The following ST6GALNAC3 variants were observed in gnomAD, a reference collection of about 807,000 sequenced individuals.
ST6GALNAC3 encodes ST6 N-acetylgalactosaminide alpha-2,6-sialyltransferase 3, also known as alpha-N-acetylgalactosaminide alpha-2,6-sialyltransferase 3.
ST6GALNAC3 carries 25 observed loss-of-function variants against 32.7 expected under a neutral mutation model. That is an observed-to-expected ratio of 0.76 (90% CI 0.56 to 1.07). ST6GALNAC3 has a LOEUF of 1.07. Among genes scored for constraint, ST6GALNAC3 ranks in the 50% least tolerant of loss-of-function variants. The pLI, the probability that ST6GALNAC3 is intolerant of heterozygous loss-of-function variation, is 0.00. For synonymous variants in ST6GALNAC3, 129 were observed against 133.1 expected (o/e 0.97, Z 0.21); for missense variants, 355 against 382.4 (o/e 0.93, Z 0.60).
chr1:76,383,603 A>G (rs1651883278), intron 2 of ST6GALNAC3, among the ~76,000 whole-genome samples: 1 of 152,158 alleles, frequency 6.6e-6, no homozygotes, highest in Non-Finnish European at 1.5e-5. Flanking sequence ...GAAGCTGCTC[A>G]GGCAAAAGAA....
chr1:76,437,582 C>T (rs1205767143), intron 3 of ST6GALNAC3, among the ~76,000 whole-genome samples: 11 of 137,630 alleles, frequency 8.0e-5, no homozygotes, highest in South Asian at 2.3e-4. Context: ...TTTTTTTTCT[C>T]TTTTTTTTTT....
intron 3 of ST6GALNAC3, among the ~76,000 whole-genome samples, chr1:76,521,532 T>C (rs971836771): frequency 2.0e-5 from 3 of 152,146 alleles, no homozygotes; most frequent in African/African-American, 4.8e-5. Flanking sequence ...TATTCACTTA[T>C]GTTTACCCAA....
At chr1:76,318,945 T>C (rs1646918191) in intron 2 of ST6GALNAC3, among the ~76,000 whole-genome samples, 1 of 152,152 alleles carries the variant, frequency 6.6e-6, no homozygotes, top group African/African-American at 2.4e-5. Flanking sequence ...AGCTAGGTTC[T>C]ATTTGTAGTT....
chr1:76,156,287 T>C (rs752171084), intron 1 of ST6GALNAC3, among the ~76,000 whole-genome samples: 1 of 149,760 alleles, frequency 6.7e-6, no homozygotes, highest in Non-Finnish European at 1.5e-5. Flanking sequence ...AAAGTTACTG[T>C]CCCCTCTCCT....
intron 1 of ST6GALNAC3, among the ~76,000 whole-genome samples, chr1:76,251,051 G>A (rs1366510992): frequency 6.6e-6 from 1 of 152,072 alleles, no homozygotes; most frequent in African/African-American, 2.4e-5. Context: ...AGAAATCCCA[G>A]CAGCACATCT....
chr1:76,354,765 G>A (rs757586869), intron 2 of ST6GALNAC3, among the ~76,000 whole-genome samples: 1 of 152,138 alleles, frequency 6.6e-6, no homozygotes, highest in Non-Finnish European at 1.5e-5. Flanking sequence ...TGGTTTGGGG[G>A]GATGTATTCA....
chr1:76,502,123 T>C (rs189077180), intron 3 of ST6GALNAC3, among the ~76,000 whole-genome samples: 81 of 152,250 alleles, frequency 5.3e-4, no homozygotes, highest in Middle Eastern at 6.8e-3. Flanking sequence ...TCCCTTTATA[T>C]CTCATGGGCC....
chr1:76,367,372 G>T (rs759372570), intron 2 of ST6GALNAC3, among the ~76,000 whole-genome samples: 1 of 152,090 alleles, frequency 6.6e-6, no homozygotes, highest in African/African-American at 2.4e-5. Context: ...AAACAATACC[G>T]TGTGGTAAGC....
intron 2 of ST6GALNAC3, among the ~76,000 whole-genome samples, chr1:76,398,597 T>TTG (rs1653167078): frequency 6.6e-6 from 1 of 152,206 alleles, no homozygotes; most frequent in Non-Finnish European, 1.5e-5. Flanking sequence ...TTGTTTTCAA[T>TTG]GCTGGATAGT....
intron 2 of ST6GALNAC3, among the ~76,000 whole-genome samples, chr1:76,359,764 TAA>T (rs1278714731): frequency 6.6e-6 from 1 of 152,192 alleles, no homozygotes; most frequent in African/African-American, 2.4e-5. Context: ...GCTACTAATA[TAA>T]GAGATGACAG....
intron 2 of ST6GALNAC3, among the ~76,000 whole-genome samples, chr1:76,350,021 C>T (rs1648839983): frequency 6.6e-6 from 1 of 151,952 alleles, no homozygotes; most frequent in Non-Finnish European, 1.5e-5. Context: ...AAATGGTATA[C>T]AAGATTTATT....
intron 1 of ST6GALNAC3, among the ~76,000 whole-genome samples, chr1:76,259,721 T>A (rs1658118382): frequency 6.6e-6 from 1 of 152,212 alleles, no homozygotes. Flanking sequence ...TAAATGCTAG[T>A]GCTGAGTACA....
intron 3 of ST6GALNAC3, among the ~76,000 whole-genome samples, chr1:76,532,722 T>G (rs1316618586): frequency 6.6e-6 from 1 of 152,184 alleles, no homozygotes; most frequent in Non-Finnish European, 1.5e-5. Flanking sequence ...TTCAGTTGTT[T>G]CTTTACATCC....
chr1:76,184,640 A>T (rs1653434827), intron 1 of ST6GALNAC3, among the ~76,000 whole-genome samples: 1 of 152,040 alleles, frequency 6.6e-6, no homozygotes, highest in Admixed American at 6.6e-5. Context: ...AAAATTGAGC[A>T]TTGGCCCTTT....
intron 3 of ST6GALNAC3, among the ~76,000 whole-genome samples, chr1:76,620,578 A>G (rs564090438): frequency 2.2e-4 from 34 of 152,154 alleles, no homozygotes; most frequent in African/African-American, 7.9e-4. Context: ...GTGTTTTCAC[A>G]TGGTGGGAAG....
At chr1:76,236,135 A>G (rs1656644126) in intron 1 of ST6GALNAC3, among the ~76,000 whole-genome samples, 5 of 151,998 alleles carry the variant, frequency 3.3e-5, no homozygotes, top group African/African-American at 1.2e-4. Flanking sequence ...TTTAATAGAG[A>G]CAGGGTTTCG....
chr1:76,297,727 A>G (rs965098272), intron 1 of ST6GALNAC3, among the ~76,000 whole-genome samples: 1 of 152,082 alleles, frequency 6.6e-6, no homozygotes, highest in Non-Finnish European at 1.5e-5. Context: ...GAGACCTAGC[A>G]TGATTTCAGA....
intron 1 of ST6GALNAC3, chr1:76,313,548 G>A: frequency 1.8e-6 from 1 of 571,236 alleles, no homozygotes. Context: ...AGTGTACAAG[G>A]AATATAGTGA....
rs569725923 is a variant in ST6GALNAC3, at chr1:76,586,490, A to G, written c.624-40962A>G. 6.6e-5 allele frequency among the ~76,000 whole-genome samples: 10 copies of G among 152,334 alleles called. No homozygotes were observed. In the East Asian group the frequency reaches 1.9e-3, roughly 29 times the overall value. On this transcript the variant is annotated intron_variant, in intron 3 of 4. Coordinates refer to ENST00000328299, the MANE Select transcript of ST6GALNAC3 (RefSeq NM_152996.4). ...CTAAACTCTTTGGACACTTCCCAATATGCACTATCTCTCTCCTACTCCTAT... is the reference window on the plus strand; with the variant it reads ...CTAAACTCTTTGGACACTTCCCAATGTGCACTATCTCTCTCCTACTCCTAT...
Sources: allele counts gnomAD v4.1 joint callset (sites outside exome capture counted in the v4.1 genomes callset), GRCh38; gene constraint gnomAD v4.1.1; transcripts MANE v1.5; gene names NCBI Gene and HGNC (gene_info 2026-07-23, HGNC 2026-07-21).